Variants in RABGAP1L observed in about 807,000 individuals in gnomAD.
RABGAP1L encodes the protein rab GTPase-activating protein 1-like.
Under a neutral mutation model 137.7 loss-of-function variants are expected in RABGAP1L, and 63 were observed. The observed-to-expected ratio is 0.46, with a 90% CI of 0.37 to 0.56. The LOEUF (loss-of-function observed/expected upper bound fraction) is 0.56, where lower values mean the gene tolerates loss of function less well. Among genes scored for constraint, RABGAP1L ranks in the 20% least tolerant of loss-of-function variants. RABGAP1L has a pLI of 0.00. For synonymous variants in RABGAP1L, 431 were observed against 433.7 expected, an observed-to-expected ratio of 0.99 and a Z score of 0.08; for missense variants, 1,095 against 1,244.0, an observed-to-expected ratio of 0.88 and a Z score of 1.80.
At chr1:174,747,623 C>T (rs920261892) in intron 17 of RABGAP1L, among the ~76,000 whole-genome samples, 1 of 151,976 alleles carries the variant, frequency 6.6e-6, no homozygotes, top group Non-Finnish European at 1.5e-5. Flanking sequence ...AAAGAATTTA[C>T]ATACATAAAT....
At chr1:174,244,081 G>A (rs1672052868) in intron 5 of RABGAP1L, among the ~76,000 whole-genome samples, 2 of 152,228 alleles carry the variant, frequency 1.3e-5, no homozygotes, top group South Asian at 4.2e-4. Flanking sequence ...TAATTAATCT[G>A]AAGTCTTCTA....
In RABGAP1L at chr1:174,608,289, A is replaced by G. The variant is rs186588076; in HGVS notation, c.1711-29086A>G. 2.4e-3 allele frequency among the ~76,000 whole-genome samples: 360 copies of G among 152,258 alleles called. 7 individuals are homozygous for G. Among genetic ancestry groups the G allele is most frequent in the Non-Finnish European group, 2.4e-4 (16 of 68,020 alleles). ...GGATCGTTTATAATAATAATTATTCAACAAATATTTGTTCAGCCCCTACTA... is the reference window on the plus strand; with the variant it reads ...GGATCGTTTATAATAATAATTATTCGACAAATATTTGTTCAGCCCCTACTA... On this transcript the variant is annotated intron_variant, in intron 13 of 25. Coordinates refer to ENST00000681986, the MANE Select transcript of RABGAP1L (RefSeq NM_001366446.1).
intron 19 of RABGAP1L, among the ~76,000 whole-genome samples, chr1:174,816,893 G>A (rs2148873532): frequency 6.6e-6 from 1 of 152,236 alleles, no homozygotes; most frequent in South Asian, 2.1e-4. Context: ...ACCATGCCTG[G>A]CTAATTTTTT....
chr1:174,546,970 C>G (rs1222662029), intron 13 of RABGAP1L, among the ~76,000 whole-genome samples: 1 of 126,562 alleles, frequency 7.9e-6, no homozygotes, highest in African/African-American at 3.1e-5. Context: ...GCGGAGCTTG[C>G]AGTGAGCAGA....
At chr1:174,199,577 CCA>C (rs1403069553) in intron 1 of RABGAP1L, among the ~76,000 whole-genome samples, 6 of 152,300 alleles carry the variant, frequency 3.9e-5, no homozygotes, top group African/African-American at 1.4e-4. Flanking sequence ...CAGATGTGAG[CCA>C]CCATGCCCGG....
chr1:174,731,059 C>G (rs966126434), intron 17 of RABGAP1L, among the ~76,000 whole-genome samples: 3 of 152,174 alleles, frequency 2.0e-5, no homozygotes, highest in Non-Finnish European at 4.4e-5. Context: ...ACTGCAACCT[C>G]TGCCTCCTGG....
intron 13 of RABGAP1L, among the ~76,000 whole-genome samples, chr1:174,624,994 C>T (rs1424052693): frequency 6.6e-6 from 1 of 151,706 alleles, no homozygotes; most frequent in Non-Finnish European, 1.5e-5. Context: ...GCCTCAGCCT[C>T]CCAAGTAGTT....
chr1:174,233,086 G>C (rs1670823495), intron 4 of RABGAP1L, among the ~76,000 whole-genome samples: 1 of 152,106 alleles, frequency 6.6e-6, no homozygotes, highest in Non-Finnish European at 1.5e-5. Flanking sequence ...TTACATGGTG[G>C]AAGAGAGTGT....
chr1:174,616,119 C>A (rs67967476), intron 13 of RABGAP1L, among the ~76,000 whole-genome samples: 198 of 152,162 alleles, frequency 1.3e-3, no homozygotes, highest in South Asian at 3.5e-3. Flanking sequence ...CTCCCTAGTG[C>A]ATGAACCTGG....
intron 19 of RABGAP1L, among the ~76,000 whole-genome samples, chr1:174,924,385 CAA>C (rs10688718): frequency 2.9e-5 from 2 of 70,130 alleles, no homozygotes; most frequent in Admixed American, 3.8e-4. Context: ...GACTCTGTCT[CAA>C]AAAAAAAAAA....
chr1:174,374,908 G>T (rs922956699), intron 12 of RABGAP1L, among the ~76,000 whole-genome samples: 1 of 151,978 alleles, frequency 6.6e-6, no homozygotes, highest in African/African-American at 2.4e-5. Flanking sequence ...GTCTTTTTAT[G>T]GTTTGGGATT....
At chr1:174,816,915 G>A (rs900666503) in intron 19 of RABGAP1L, among the ~76,000 whole-genome samples, 2 of 152,024 alleles carry the variant, frequency 1.3e-5, no homozygotes, top group Non-Finnish European at 2.9e-5. Flanking sequence ...TGTTTTAGTA[G>A]ATTCAGGGTT....
intron 13 of RABGAP1L, among the ~76,000 whole-genome samples, chr1:174,575,479 C>G (rs1471918310): frequency 6.6e-6 from 1 of 151,938 alleles, no homozygotes; most frequent in African/African-American, 2.4e-5. Context: ...TCTGAAAGAC[C>G]CATCATCAGT....
At chr1:174,978,946 T>A (rs1157893533) in intron 23 of RABGAP1L, 56 bp downstream of exon 23, 14 of 304,770 alleles carry the variant, frequency 4.6e-5, no homozygotes, top group East Asian at 1.2e-4. Context: ...ATAAAAGTAA[T>A]TTTTTTTTTT....
chr1:174,937,648 A>C, intron 19 of RABGAP1L, among the ~76,000 whole-genome samples: 1 of 98,016 alleles, frequency 1.0e-5, no homozygotes, highest in Non-Finnish European at 2.0e-5. Context: ...TGCAGTTAGA[A>C]ACTGTCATAA....
At chr1:174,974,290 G>A (rs1670458586) in intron 21 of RABGAP1L, among the ~76,000 whole-genome samples, 1 of 152,014 alleles carries the variant, frequency 6.6e-6, no homozygotes, top group Admixed American at 6.6e-5. Context: ...GCACCCGGCT[G>A]TACAGCTGCT....
intron 17 of RABGAP1L, among the ~76,000 whole-genome samples, chr1:174,739,715 C>T (rs1459457843): frequency 6.6e-6 from 1 of 152,194 alleles, no homozygotes; most frequent in Non-Finnish European, 1.5e-5. Flanking sequence ...TCATTCCAGT[C>T]TTAATTCTGT....
chr1:174,833,444 G>A (rs1040433113), intron 19 of RABGAP1L, among the ~76,000 whole-genome samples: 29 of 17,390 alleles, frequency 1.7e-3, no homozygotes, highest in Non-Finnish European at 3.1e-3. Context: ...GTGTGTGTGT[G>A]TAGAGATATA....
chr1:174,432,696 C>T (rs1652787890), intron 13 of RABGAP1L, among the ~76,000 whole-genome samples: 1 of 152,126 alleles, frequency 6.6e-6, no homozygotes, highest in African/African-American at 2.4e-5. Context: ...CGCCTCCATG[C>T]CCAGCTAATT....
Sources: gnomAD v4.1 joint callset for allele counts (sites outside exome capture counted in the v4.1 genomes callset) on GRCh38, gnomAD v4.1.1 for gene constraint, MANE v1.5 for transcripts, NCBI Gene and HGNC (gene_info 2026-07-23, HGNC 2026-07-21) for gene names.